The following TMEM18 variants were observed in gnomAD, a reference collection of about 807,000 sequenced individuals.
TMEM18 encodes the protein transmembrane protein 18.
In TMEM18, 14 loss-of-function variants were observed where a neutral mutation model predicts 17.4. The ratio of observed to expected loss-of-function variants is 0.80; its 90% confidence interval spans 0.53 to 1.25. TMEM18 has a LOEUF of 1.25. TMEM18 is among the 50% of genes most tolerant of loss of function. TMEM18 has a pLI of 0.00. For synonymous variants in TMEM18, 86 were observed against 66.1 expected, an observed-to-expected ratio of 1.30 and a Z score of -1.46; for missense variants, 187 against 172.1, an observed-to-expected ratio of 1.09 and a Z score of -0.48.
intron 2 of TMEM18, among the ~76,000 whole-genome samples, chr2:674,275 G>A (rs1678936761): frequency 1.3e-5 from 2 of 152,220 alleles, no homozygotes; most frequent in Admixed American, 6.5e-5. Flanking sequence ...CTCAGCTGGT[G>A]AAGCCATCAC....
Position 664,541 on chromosome 2 carries a change from C to A in TMEM18, c.*5039G>T, listed in dbSNP as rs1207136158. Among the ~76,000 whole-genome samples the A allele has an allele frequency of 6.6e-6, 1 of 152,204 alleles. No individual in the cohort carries two copies. Among genetic ancestry groups the A allele is most frequent in the Non-Finnish European group, 1.5e-5 (1 of 68,034 alleles). On this transcript the variant is annotated 3_prime_UTR_variant, in exon 5 of 5. Transcript: ENST00000281017. ...ATCATTTGAAAAGCGTTAAACCTCA[C>A]AGGTAACCACAGAAGTACAAGTTAA...
chr2:675,471 C>T, intron 2 of TMEM18, 39 bp downstream of exon 2: 1 of 1,613,522 alleles, frequency 6.2e-7, no homozygotes, highest in Non-Finnish European at 8.5e-7. Context: ...TCATTTCACA[C>T]AGTGATCTGA....
intron 1 of TMEM18, chr2:676,497 G>A: frequency 1.3e-6 from 2 of 1,510,934 alleles, no homozygotes; most frequent in Admixed American, 4.0e-5. Context: ...ACTCTCTGCT[G>A]GGGACCGCAG....
At chr2:676,485 C>T in intron 1 of TMEM18, 3 of 1,176,384 alleles carry the variant, frequency 2.6e-6, no homozygotes, top group Non-Finnish European at 2.4e-6. Context: ...TCCTGTGTCA[C>T]TACTCTCTGC....
At chr2:677,229 C>A (rs1011478908) in intron 1 of TMEM18, 60 bp downstream of exon 1, 5 of 1,564,472 alleles carry the variant, frequency 3.2e-6, no homozygotes, top group Non-Finnish European at 4.3e-6. Flanking sequence ...TCTGTGGGGC[C>A]TACCCTACGC....
chr2:676,901 C>T, intron 1 of TMEM18: 1 of 575,382 alleles, frequency 1.7e-6, no homozygotes, highest in Non-Finnish European at 3.1e-6. Context: ...AACTCAGCCA[C>T]GCCCGCACGG....
intron 3 of TMEM18, among the ~76,000 whole-genome samples, chr2:672,352 C>T (rs1257279775): frequency 2.6e-5 from 4 of 152,010 alleles, no homozygotes; most frequent in East Asian, 1.9e-4. Context: ...GGGCTGCCAG[C>T]GGTGCCCCCC....
intron 1 of TMEM18, chr2:675,930 A>G (rs371824283): frequency 1.4e-5 from 19 of 1,405,542 alleles, no homozygotes; most frequent in African/African-American, 1.3e-4. Context: ...TCGTTTGTGG[A>G]ACAGAATCAT....
At chr2:676,931 C>A in intron 1 of TMEM18, 1 of 472,712 alleles carries the variant, frequency 2.1e-6, no homozygotes, top group Non-Finnish European at 3.7e-6. Flanking sequence ...CCAGCCCAGC[C>A]CAAGCCCGGG....
At chr2:673,358 C>A (rs1678908321) in intron 2 of TMEM18, among the ~76,000 whole-genome samples, 1 of 152,016 alleles carries the variant, frequency 6.6e-6, no homozygotes, top group Non-Finnish European at 1.5e-5. Flanking sequence ...GTGCTGGAGG[C>A]AAAGGCACGG....
Position 669,849 on chromosome 2 carries a change from ATC to A in TMEM18, c.234-1_234del, listed in dbSNP as rs758700921. ...TCGAAATACTGGTATTTCGAAAATA[ATC>A]TGTTTAAAAAACAAAAACAAAAAAT... On this transcript the variant is annotated splice_acceptor_variant and coding_sequence_variant, in exon 4 of 5. Coordinates refer to ENST00000281017, the MANE Select transcript of TMEM18 (RefSeq NM_152834.4). LOFTEE classifies it high-confidence loss of function. 2 of 1,609,362 alleles carry A rather than the reference ATC, an allele frequency of 1.2e-6. No homozygotes were observed. Among genetic ancestry groups the A allele is most frequent in the Non-Finnish European group, 1.7e-6 (2 of 1,178,570 alleles).
At position 669,215 on chromosome 2, in the gene TMEM18, G is replaced by A. The variant is rs904498532; in HGVS notation, c.*365C>T. On this transcript the variant is annotated 3_prime_UTR_variant, in exon 5 of 5. Coordinates refer to ENST00000281017, the MANE Select transcript of TMEM18 (RefSeq NM_152834.4). ...AGGAGGGCATGGTGCCCATGTACAGGTGGCACTGTTTATTATTGAGTTTCA... is the reference window on the plus strand; with the variant it reads ...AGGAGGGCATGGTGCCCATGTACAGATGGCACTGTTTATTATTGAGTTTCA... 4 of 190,600 alleles carry A rather than the reference G, an allele frequency of 2.1e-5. No individual in the cohort carries two copies. The highest frequency in any genetic ancestry group is 1.2e-4 in the South Asian group (1 of 8,048). The allele number at this position is 190,600 out of a possible 1,614,324, so 11.8% of individuals were successfully genotyped here. A position where few individuals can be genotyped will look rare whatever the true frequency, so the allele number is the denominator to read the frequency against.
At chr2:675,755 C>T in intron 1 of TMEM18, 125 bp from the exon 2 acceptor site, 1 of 1,536,440 alleles carries the variant, frequency 6.5e-7, no homozygotes, top group East Asian at 2.4e-5. Context: ...CTGGGCTACT[C>T]ACCAAGTATC....
At chr2:670,000 A>G in intron 3 of TMEM18, 150 bp from the exon 4 acceptor site, 1 of 629,270 alleles carries the variant, frequency 1.6e-6, no homozygotes, top group Non-Finnish European at 2.8e-6. Context: ...GAGCAGCGGT[A>G]ATCTCCACTG....
chr2:675,950 G>A, intron 1 of TMEM18: 2 of 1,363,750 alleles, frequency 1.5e-6, no homozygotes, highest in Non-Finnish European at 1.9e-6. Context: ...TGTTTTTAAG[G>A]TGGGTATAAT....
intron 2 of TMEM18, among the ~76,000 whole-genome samples, chr2:675,087 C>T (rs1214309166): frequency 6.6e-6 from 1 of 152,260 alleles, no homozygotes; most frequent in Non-Finnish European, 1.5e-5. Context: ...TCTCTAAGTT[C>T]TGTAGCCCTT....
intron 3 of TMEM18, 147 bp from the exon 4 acceptor site, chr2:669,997 G>A (rs79117822): frequency 4.6e-5 from 29 of 633,270 alleles, no homozygotes; most frequent in Middle Eastern, 4.2e-4. Context: ...TGGGAGCAGC[G>A]GTAATCTCCA....
Position 669,405 on chromosome 2 carries a change from G to A in TMEM18, c.*175C>T, listed in dbSNP as rs1678777562. 4.4e-6 allele frequency: 3 copies of A among 677,784 alleles called. No individual in the cohort carries two copies. Among genetic ancestry groups the A allele is most frequent in the African/African-American group, 1.8e-5 (1 of 55,762 alleles). The allele number at this position is 677,784 out of a possible 1,614,324, so 42.0% of individuals were successfully genotyped here. On this transcript the variant is annotated 3_prime_UTR_variant, in exon 5 of 5. Coordinates refer to ENST00000281017, the MANE Select transcript of TMEM18 (RefSeq NM_152834.4). ...ACGCATGTCCTGATGGATACATTCA[G>A]TGCTGGCTGAAAAGCCAACTTCAGT...
chr2:675,147 C>A (rs73908200), intron 2 of TMEM18, among the ~76,000 whole-genome samples: 2,354 of 152,306 alleles, frequency 0.015, 62 homozygotes, highest in African/African-American at 0.054. Context: ...CAGAACTTTT[C>A]TTTCCCAGTT....
Sources: gnomAD v4.1 joint callset for allele counts (sites outside exome capture counted in the v4.1 genomes callset) on GRCh38, gnomAD v4.1.1 for gene constraint, MANE v1.5 for transcripts, NCBI Gene and HGNC (gene_info 2026-07-23, HGNC 2026-07-21) for gene names.